SMARCB1: variants seen among roughly 807,000 people sequenced by gnomAD.
The protein encoded by SMARCB1 is SWI/SNF-related matrix-associated actin-dependent regulator of chromatin subfamily B member 1.
In SMARCB1, 5 loss-of-function variants were observed where a neutral mutation model predicts 49.0. The ratio of observed to expected loss-of-function variants is 0.10; its 90% CI spans 0.05 to 0.21. The LOEUF is 0.21. SMARCB1 is among the 10% of genes least tolerant of loss of function. The pLI, the probability that SMARCB1 is intolerant of heterozygous loss-of-function variation, is 1.00. For synonymous variants in SMARCB1, 201 were observed against 200.1 expected (o/e 1.00, Z -0.04); for missense variants, 226 against 509.2 (o/e 0.44, Z 5.35).
At chr22:23,820,405 C>A (rs1364005778) in intron 6 of SMARCB1, among the ~76,000 whole-genome samples, 1 of 152,144 alleles carries the variant, frequency 6.6e-6, no homozygotes, top group Non-Finnish European at 1.5e-5. Context: ...GAAACCCCGT[C>A]TCTACTAAAA....
chr22:23,833,895 A>T (rs938126415), intron 8 of SMARCB1, among the ~76,000 whole-genome samples, 192 bp downstream of exon 8: 3 of 152,182 alleles, frequency 2.0e-5, no homozygotes, highest in Non-Finnish European at 4.4e-5. Flanking sequence ...CATGGAACAA[A>T]CATAATTCCT....
rs761868468 is a variant in SMARCB1, at chr22:23,787,259, C to T, written c.90C>T (p.Ser30=). The change falls in exon 1 of 9, where the codon TCC becomes TCT. Residue 30 remains serine, a synonymous_variant. Coordinates refer to ENST00000644036, the MANE Select transcript of SMARCB1 (RefSeq NM_003073.5). ...EDDGEFYMIG[S]EVGNYLRMFR... The stretch of plus-strand genomic sequence containing the variant: ...ACGGCGAGTTCTACATGATCGGCTC[C>T]GAGGTAGCCCGGGGCGCGTTCTCGC... 3.1e-6 allele frequency: 5 copies of T among 1,587,796 alleles called. No homozygotes were observed. Among genetic ancestry groups the T allele is most frequent in the Non-Finnish European group, 2.6e-6 (3 of 1,162,402 alleles).
intron 7 of SMARCB1, among the ~76,000 whole-genome samples, chr22:23,827,518 TAGTGCATTCCAGTTGC>T (rs2030446541): frequency 6.6e-6 from 1 of 152,136 alleles, no homozygotes; most frequent in African/African-American, 2.4e-5. Context: ...ATCGACCACT[TAGTGCATTCCAGTTGC>T]AGGGCCTGGG....
chr22:23,797,135 A>G (rs1928806323), intron 3 of SMARCB1, among the ~76,000 whole-genome samples: 1 of 145,700 alleles, frequency 6.9e-6, no homozygotes, highest in South Asian at 2.2e-4. Context: ...AGTAGCTGGG[A>G]CTACAGGCGC....
intron 5 of SMARCB1, among the ~76,000 whole-genome samples, chr22:23,807,530 G>A (rs890717401): frequency 1.3e-5 from 2 of 151,768 alleles, no homozygotes; most frequent in Non-Finnish European, 2.9e-5. Context: ...AGCCGTGATT[G>A]AGCCACTGCA....
intron 3 of SMARCB1, among the ~76,000 whole-genome samples, chr22:23,794,027 T>C (rs5751733): frequency 0.92 from 139,747 of 152,236 alleles, 64,288 homozygotes; most frequent in Middle Eastern, 0.97. Flanking sequence ...TCACTGCAAC[T>C]TCTGCCTACT....
At chr22:23,833,754 C>T (rs1434703582) in intron 8 of SMARCB1, 51 bp downstream of exon 8, 2 of 1,602,754 alleles carry the variant, frequency 1.2e-6, no homozygotes, top group Non-Finnish European at 1.7e-6. Flanking sequence ...CCTGGCTTTC[C>T]AGGCAGAGGC....
At chr22:23,825,583 C>T in intron 7 of SMARCB1, 168 bp downstream of exon 7, 1 of 629,244 alleles carries the variant, frequency 1.6e-6, no homozygotes, top group Non-Finnish European at 2.8e-6. Context: ...ATGTATCTCT[C>T]CAGGGCTCCG....
Position 23,801,195 on chromosome 22 carries a change from A to G in SMARCB1, c.500+114A>G, listed in dbSNP as rs587777975. 4.9e-6 allele frequency: 7 copies of G among 1,424,380 alleles called. No homozygotes were observed. The highest frequency in any genetic ancestry group is 6.9e-6 in the Non-Finnish European group (7 of 1,016,552). 88.2% of individuals were successfully genotyped at this position (1,424,380 alleles called of 1,614,324 possible). A position where few individuals can be genotyped will look rare whatever the true frequency, so the allele number is the denominator to read the frequency against. ...TCTGCTTTGACCTTGTGCTCCCCAC[A>G]ACGCCACAGTACCTCCTCGCCTTTG... On this transcript the variant is annotated intron_variant, in intron 4 of 8. Transcript: ENST00000644036.
chr22:23,820,605 A>G (rs966520444), intron 6 of SMARCB1, among the ~76,000 whole-genome samples: 2 of 152,146 alleles, frequency 1.3e-5, no homozygotes, highest in African/African-American at 2.4e-5. Context: ...GAATTCACCA[A>G]TGAAGCCATC....
At chr22:23,797,434 G>C (rs1430534748) in intron 3 of SMARCB1, among the ~76,000 whole-genome samples, 1 of 148,432 alleles carries the variant, frequency 6.7e-6, no homozygotes, top group Non-Finnish European at 1.5e-5. Flanking sequence ...TCAGCCTCCC[G>C]AGTAGCTGGA....
At chr22:23,798,756 T>TCCTTA (rs1928930409) in intron 3 of SMARCB1, among the ~76,000 whole-genome samples, 1 of 151,890 alleles carries the variant, frequency 6.6e-6, no homozygotes, top group African/African-American at 2.4e-5. Flanking sequence ...GAGGGAACTG[T>TCCTTA]CAAACGTTTG....
At chr22:23,827,423 A>C (rs142456174) in intron 7 of SMARCB1, among the ~76,000 whole-genome samples, 90 of 152,270 alleles carry the variant, frequency 5.9e-4, no homozygotes, top group African/African-American at 2.0e-3. Context: ...CAGTTTGCAG[A>C]GTGGCTCCAG....
At chr22:23,821,761 G>C (rs2030098230) in intron 6 of SMARCB1, among the ~76,000 whole-genome samples, 1 of 151,652 alleles carries the variant, frequency 6.6e-6, no homozygotes, top group Non-Finnish European at 1.5e-5. Flanking sequence ...TGAGGCATGA[G>C]AATTGCTTGA....
rs1301134143 is a variant in SMARCB1, at chr22:23,837,234, TCCACAGCCTGGTGGCCCTGCAGGCC to T, written c.*3062_*3086del. 5.2e-6 allele frequency: 8 copies of T among 1,532,806 alleles called. No homozygotes were observed. The highest frequency in any genetic ancestry group is 7.1e-6 in the Non-Finnish European group (8 of 1,128,194). The allele number at this position is 1,532,806 out of a possible 1,614,324, so 95.0% of individuals were successfully genotyped here. ...CAGCAGAGCCTGCCCCAGGCCCCCA[TCCACAGCCTGGTGGCCCTGCAGGCC>T]CCACAGCATGAGTGCCCCAAAGCCT... On this transcript the variant is annotated 3_prime_UTR_variant, in exon 9 of 9. Coordinates refer to ENST00000644036, the MANE Select transcript of SMARCB1 (RefSeq NM_003073.5).
chr22:23,834,633 C>T lies in SMARCB1; in HGVS notation c.*453C>T. 1 of 824,098 alleles carries T rather than the reference C, an allele frequency of 1.2e-6. No homozygotes were observed. Among genetic ancestry groups the T allele is most frequent in the Non-Finnish European group, 1.9e-6 (1 of 518,792 alleles). 51.0% of individuals were successfully genotyped at this position (824,098 alleles called of 1,614,324 possible). ...AACAAGGTTGGCACACAGGCCTCAC[C>T]CTCCTCTGCCTCAGATTCCCAAGTG... On this transcript the variant is annotated 3_prime_UTR_variant, in exon 9 of 9. Transcript: ENST00000644036.
intron 5 of SMARCB1, among the ~76,000 whole-genome samples, chr22:23,814,497 C>G (rs1395045686): frequency 6.6e-6 from 1 of 151,838 alleles, no homozygotes. Context: ...GAAACCTCGT[C>G]TCTACTAAAA....
At chr22:23,817,109 G>A in intron 6 of SMARCB1, 173 bp downstream of exon 6, 1 of 642,016 alleles carries the variant, frequency 1.6e-6, no homozygotes, top group Non-Finnish European at 2.8e-6. Context: ...AAGGGCATAG[G>A]CTGAGTTCTC....
chr22:23,817,803 G>C (rs1930286333), intron 6 of SMARCB1: 1 of 139,510 alleles, frequency 7.2e-6, no homozygotes, highest in South Asian at 2.3e-4. Flanking sequence ...TTCCTCTGTG[G>C]TCCCCCAAGT....
Sources: gnomAD v4.1 joint callset for allele counts (sites outside exome capture counted in the v4.1 genomes callset) on GRCh38, gnomAD v4.1.1 for gene constraint, MANE v1.5 for transcripts, NCBI Gene and HGNC (gene_info 2026-07-23, HGNC 2026-07-21) for gene names.